The following CACNA1C variants were observed in gnomAD, a reference collection of about 807,000 sequenced individuals.
The protein encoded by CACNA1C is calcium voltage-gated channel subunit alpha1 C, also known as voltage-dependent L-type calcium channel subunit alpha-1C.
A neutral mutation model predicts 229.0 loss-of-function variants in CACNA1C; 30 were observed. The ratio of observed to expected loss-of-function variants is 0.13; its 90% CI spans 0.10 to 0.18. The LOEUF is 0.18. Ranked by LOEUF, CACNA1C falls within the 10% of genes least tolerant of loss-of-function variation. The pLI is 1.00. For synonymous variants in CACNA1C, 1,114 were observed against 1,132.5 expected (o/e 0.98, Z 0.33); for missense variants, 1,658 against 2,845.0 (o/e 0.58, Z 9.49).
chr12:2,052,896 G>A (rs2052672355), upstream of CACNA1C: 1 of 702,340 alleles, frequency 1.4e-6, no homozygotes, highest in Admixed American at 6.7e-5. Flanking sequence ...CGGCGCGCCG[G>A]GCGGGCGGGC....
At chr12:2,175,970 A>G (rs911015520) in intron 3 of CACNA1C, among the ~76,000 whole-genome samples, 4 of 152,218 alleles carry the variant, frequency 2.6e-5, no homozygotes, top group African/African-American at 9.6e-5. Flanking sequence ...AAAACAGATA[A>G]AAATCCCTGC....
At chr12:2,228,211 A>G (rs897634153) in intron 3 of CACNA1C, among the ~76,000 whole-genome samples, 2 of 152,188 alleles carry the variant, frequency 1.3e-5, no homozygotes, top group African/African-American at 4.8e-5. Context: ...GGAACTCCCT[A>G]TCATGTAATA....
chr12:2,615,984 G>A (rs964832610), intron 29 of CACNA1C, among the ~76,000 whole-genome samples: 7 of 152,188 alleles, frequency 4.6e-5, no homozygotes, highest in African/African-American at 1.7e-4. Context: ...GGGTGAAGCA[G>A]CTGAGACTCA....
intron 3 of CACNA1C, among the ~76,000 whole-genome samples, chr12:2,159,046 G>C (rs2095695903): frequency 6.6e-6 from 1 of 151,972 alleles, no homozygotes; most frequent in Admixed American, 6.6e-5. Context: ...GGCTACATAA[G>C]CATATTATTA....
intron 3 of CACNA1C, among the ~76,000 whole-genome samples, chr12:2,253,580 A>T (rs909514293): frequency 2.6e-5 from 4 of 152,260 alleles, no homozygotes; most frequent in East Asian, 3.8e-4. Context: ...TTCTAAGAAC[A>T]TCTGCTGTGG....
At position 2,662,135 on chromosome 12, in the gene CACNA1C, A is replaced by G. The variant is rs770620821; in HGVS notation, c.4233-2690A>G. On this transcript the variant is annotated intron_variant, in intron 34 of 46. Coordinates refer to ENST00000399655, the MANE Select transcript of CACNA1C (RefSeq NM_000719.7). ...CAGGCGCCTGTAGTCCCAGCTACTC[A>G]GGAGGCTAAGGTGGGAGAATCTCTT... 2.6e-5 allele frequency among the ~76,000 whole-genome samples: 4 copies of G among 152,002 alleles called. No individual in the cohort carries two copies. In the East Asian group the frequency reaches 5.8e-4, roughly 22 times the overall value.
In CACNA1C at chr12:2,568,341, T is replaced by C. The variant is rs545770606; in HGVS notation, c.1895+547T>C. Among the ~76,000 whole-genome samples the C allele has an allele frequency of 6.7e-4, 102 of 152,234 alleles. 1 individual carries two copies. The highest frequency in any genetic ancestry group is 2.4e-3 in the African/African-American group (99 of 41,536). On this transcript the variant is annotated intron_variant, in intron 13 of 46. Transcript: ENST00000399655. Reference sequence around the variant, plus strand: ...AAGGGTTGGCAATGACATGGAGAAATTGGAACCCTTGTGCACTATGGGTGG... The same window carrying C: ...AAGGGTTGGCAATGACATGGAGAAACTGGAACCCTTGTGCACTATGGGTGG...
At position 2,686,231 on chromosome 12, in the gene CACNA1C, C is replaced by T; in HGVS notation, c.5746C>T (p.Gln1916Ter). Residue 1916 changes from glutamine (Q) to a stop codon, truncating the protein, a stop_gained, in exon 45 of 47, where the codon CAG (glutamine) becomes TAG (stop). Coordinates refer to ENST00000399655, the MANE Select transcript of CACNA1C (RefSeq NM_000719.7). LOFTEE classifies it high-confidence loss of function. ...RQKDRGGDIS[Q>*]KTVLPLHLVH... Reference sequence around the variant, plus strand: ...GAAGGACCGAGGGGGAGACATCTCTCAGAAGACAGTCCTGCCCTTGCATCT... The same window carrying T: ...GAAGGACCGAGGGGGAGACATCTCTTAGAAGACAGTCCTGCCCTTGCATCT... The T allele has an allele frequency of 6.2e-7, 1 of 1,613,328 alleles. No homozygotes were observed. Among genetic ancestry groups the T allele is most frequent in the Non-Finnish European group, 8.5e-7 (1 of 1,179,834 alleles).
Position 2,558,074 on chromosome 12 carries a change from A to G in CACNA1C, c.1508+1097A>G, listed in dbSNP as rs150317074. Among the ~76,000 whole-genome samples the G allele has an allele frequency of 2.8e-3, 423 of 152,294 alleles. 1 individual carries two copies. Among genetic ancestry groups the G allele is most frequent in the African/African-American group, 9.7e-3 (404 of 41,560 alleles). On this transcript the variant is annotated intron_variant, in intron 11 of 46. Transcript: ENST00000399655. ...AGAGAAATTTTTATCCAGCTGAGTA[A>G]ATGTAGCCCAGTGCTGTATTTTAAA... is the stretch of plus-strand genomic sequence containing the variant.
intron 1 of CACNA1C, among the ~76,000 whole-genome samples, chr12:2,114,630 C>T (rs1471539753): frequency 6.6e-6 from 1 of 152,142 alleles, no homozygotes; most frequent in East Asian, 1.9e-4. Flanking sequence ...TACTCTAGTC[C>T]AGCCCTTCTC....
At chr12:2,169,989 A>G (rs1212666594) in intron 3 of CACNA1C, among the ~76,000 whole-genome samples, 1 of 152,156 alleles carries the variant, frequency 6.6e-6, no homozygotes, top group East Asian at 1.9e-4. Flanking sequence ...GACACAGAAG[A>G]GCAGGGCTGG....
chr12:2,151,538 C>G (rs1043277705), intron 3 of CACNA1C, among the ~76,000 whole-genome samples: 3 of 152,284 alleles, frequency 2.0e-5, no homozygotes, highest in Non-Finnish European at 4.4e-5. Context: ...CTGTCCCTAT[C>G]ACATACATTT....
chr12:2,035,076 C>T (rs990749183), intron 1 of CACNA1C, among the ~76,000 whole-genome samples: 3 of 152,324 alleles, frequency 2.0e-5, no homozygotes, highest in Middle Eastern at 3.4e-3. Flanking sequence ...GCCGGCGCCC[C>T]CTGCTGGTGC....
chr12:2,454,894 C>T (rs1167622222), intron 4 of CACNA1C, among the ~76,000 whole-genome samples: 1 of 152,258 alleles, frequency 6.6e-6, no homozygotes, highest in Non-Finnish European at 1.5e-5. Context: ...ATTCCCACAA[C>T]CACGCGTCTA....
chr12:2,182,684 TA>T (rs2096877974), intron 3 of CACNA1C, among the ~76,000 whole-genome samples: 1 of 152,170 alleles, frequency 6.6e-6, no homozygotes, highest in Non-Finnish European at 1.5e-5. Flanking sequence ...GGAAGTGTGC[TA>T]GGGACTGTGT....
chr12:2,312,123 C>G (rs1047014900), intron 3 of CACNA1C, among the ~76,000 whole-genome samples: 1 of 152,174 alleles, frequency 6.6e-6, no homozygotes, highest in African/African-American at 2.4e-5. Context: ...CACCAGAAAC[C>G]CATGCCCCTG....
At chr12:2,469,545 C>T (rs1398460066) in intron 5 of CACNA1C, among the ~76,000 whole-genome samples, 1 of 152,196 alleles carries the variant, frequency 6.6e-6, no homozygotes, top group Non-Finnish European at 1.5e-5. Flanking sequence ...AGCATGTCAT[C>T]AGGTGAGTTT....
chr12:2,404,192 G>C (rs1023445788), intron 3 of CACNA1C, among the ~76,000 whole-genome samples: 1 of 152,174 alleles, frequency 6.6e-6, no homozygotes, highest in African/African-American at 2.4e-5. Flanking sequence ...GAAGTGCCCC[G>C]GGAAACTCGA....
chr12:2,013,357 T>C (rs1209276092), intron 1 of CACNA1C, among the ~76,000 whole-genome samples: 2 of 152,208 alleles, frequency 1.3e-5, no homozygotes, highest in African/African-American at 4.8e-5. Flanking sequence ...GCAAGATTTA[T>C]ATCCTGCACA....
Sources: gnomAD v4.1 joint callset for allele counts (sites outside exome capture counted in the v4.1 genomes callset) on GRCh38, gnomAD v4.1.1 for gene constraint, MANE v1.5 for transcripts, NCBI Gene and HGNC (gene_info 2026-07-23, HGNC 2026-07-21) for gene names.